Variants in PLPP3 observed in about 807,000 individuals in gnomAD.
The protein encoded by PLPP3 is PAP2 beta.
Under a neutral mutation model 29.6 loss-of-function variants are expected in PLPP3, and 6 were observed. The observed-to-expected ratio is 0.20, with a 90% CI of 0.11 to 0.40. PLPP3 has a LOEUF of 0.40. Among genes scored for constraint, PLPP3 ranks in the 10% least tolerant of loss-of-function variants. PLPP3 has a pLI of 1.00. For synonymous variants in PLPP3, 152 were observed against 159.7 expected (o/e 0.95, Z 0.36); for missense variants, 308 against 407.7 (o/e 0.76, Z 2.11).
chr1:56,542,917 G>A (rs1202227941), intron 1 of PLPP3, among the ~76,000 whole-genome samples: 2 of 151,550 alleles, frequency 1.3e-5, no homozygotes, highest in Non-Finnish European at 2.9e-5. Context: ...AGCTACTCAG[G>A]AGGTAAGAGG....
At chr1:56,556,000 A>G (rs1646074129) in intron 1 of PLPP3, among the ~76,000 whole-genome samples, 1 of 152,180 alleles carries the variant, frequency 6.6e-6, no homozygotes. Context: ...TTTTCTATTC[A>G]TGAGTAGGAA....
chr1:56,562,504 G>C (rs1256302216), intron 1 of PLPP3, among the ~76,000 whole-genome samples: 1 of 152,096 alleles, frequency 6.6e-6, no homozygotes, highest in Non-Finnish European at 1.5e-5. Flanking sequence ...AGCAAATTCA[G>C]ACACAACAAA....
chr1:56,506,717 C>T (rs1023577248), intron 5 of PLPP3, among the ~76,000 whole-genome samples: 1 of 152,124 alleles, frequency 6.6e-6, no homozygotes, highest in Admixed American at 6.5e-5. Context: ...TGTGTGAGTC[C>T]AACTGTAAAG....
At chr1:56,576,663 G>A (rs529441763) in intron 1 of PLPP3, among the ~76,000 whole-genome samples, 146 of 152,256 alleles carry the variant, frequency 9.6e-4, no homozygotes, top group African/African-American at 3.3e-3. Flanking sequence ...TGGTCCTGAC[G>A]CCTTATTGCT....
In PLPP3 at chr1:56,575,322, TCTCA is replaced by T. The variant is rs377064865; in HGVS notation, c.139+3552_139+3555del. 3.4e-3 allele frequency among the ~76,000 whole-genome samples: 517 copies of T among 152,292 alleles called. 3 individuals are homozygous for T. Among genetic ancestry groups the T allele is most frequent in the African/African-American group, 0.012 (484 of 41,550 alleles). ...TTTGCACTATACCATGCTGCCCCTC[TCTCA>T]CTATTTAAAGTAAATAATAATAAAT... On this transcript the variant is annotated intron_variant, in intron 1 of 5. Transcript: ENST00000371250.
intron 1 of PLPP3, among the ~76,000 whole-genome samples, chr1:56,563,849 T>C (rs909930435): frequency 1.3e-5 from 2 of 152,200 alleles, no homozygotes; most frequent in Admixed American, 6.5e-5. Flanking sequence ...GCCTGCCACA[T>C]ATTAAGTATT....
At chr1:56,572,142 T>C (rs550640734) in intron 1 of PLPP3, among the ~76,000 whole-genome samples, 1 of 132,750 alleles carries the variant, frequency 7.5e-6, no homozygotes, top group Admixed American at 9.3e-5. Context: ...CTCTGCCAAC[T>C]GGGTTCCAGC....
At chr1:56,517,938 A>T (rs535694765) in intron 4 of PLPP3, among the ~76,000 whole-genome samples, 130 of 152,280 alleles carry the variant, frequency 8.5e-4, no homozygotes, top group Admixed American at 1.4e-3. Flanking sequence ...GACTCATTAT[A>T]CCTCATAGCA....
At position 56,574,508 on chromosome 1, in the gene PLPP3, G is replaced by A. The variant is rs143226889; in HGVS notation, c.139+4370C>T. Among the ~76,000 whole-genome samples the A allele has an allele frequency of 3.0e-3, 459 of 152,262 alleles. 2 individuals carry two copies. Among genetic ancestry groups the A allele is most frequent in the Non-Finnish European group, 4.9e-3 (331 of 68,014 alleles). ...TAGCTCAAGTAATCCTCCTGCCTCT[G>A]CCTCCCAAAGTGCTGGGATTACAGG... On this transcript the variant is annotated intron_variant, in intron 1 of 5. Coordinates refer to ENST00000371250, the MANE Select transcript of PLPP3 (RefSeq NM_003713.5).
At chr1:56,522,609 A>G (rs1645826282) in intron 4 of PLPP3, among the ~76,000 whole-genome samples, 1 of 152,164 alleles carries the variant, frequency 6.6e-6, no homozygotes, top group Non-Finnish European at 1.5e-5. Flanking sequence ...TCAGCTCTGC[A>G]TCCTCGGTAA....
intron 1 of PLPP3, among the ~76,000 whole-genome samples, chr1:56,560,962 C>T (rs541410484): frequency 1.5e-3 from 232 of 151,218 alleles, no homozygotes; most frequent in Admixed American, 3.1e-3. Flanking sequence ...CTCAGCCTCC[C>T]GAGTAGCTGG....
chr1:56,517,441 CCATTTTGCTGAG>C (rs1472566300), intron 4 of PLPP3, among the ~76,000 whole-genome samples: 2 of 152,228 alleles, frequency 1.3e-5, no homozygotes, highest in Non-Finnish European at 2.9e-5. Context: ...AAGAAAACCA[CCATTTTGCTGAG>C]CATTGGTGTA....
At chr1:56,558,406 G>T (rs141763964) in intron 1 of PLPP3, among the ~76,000 whole-genome samples, 138 of 152,318 alleles carry the variant, frequency 9.1e-4, no homozygotes, top group African/African-American at 3.1e-3. Flanking sequence ...GCTGCCATAT[G>T]ATTCTCTGGC....
intron 5 of PLPP3, among the ~76,000 whole-genome samples, chr1:56,498,842 C>A (rs556468363): frequency 2.3e-4 from 35 of 152,258 alleles, no homozygotes; most frequent in African/African-American, 8.2e-4. Context: ...CCATGCTGAC[C>A]AGGCTGGTCT....
intron 5 of PLPP3, among the ~76,000 whole-genome samples, chr1:56,499,045 G>A (rs1196167430): frequency 6.6e-6 from 1 of 151,760 alleles, no homozygotes; most frequent in East Asian, 1.9e-4. Context: ...TCTGCCAAGG[G>A]CAAATATAGC....
chr1:56,531,353 G>A (rs777831513), intron 2 of PLPP3, among the ~76,000 whole-genome samples: 1 of 152,112 alleles, frequency 6.6e-6, no homozygotes, highest in Non-Finnish European at 1.5e-5. Flanking sequence ...AGTCAGACTT[G>A]TACTTGTCTT....
intron 5 of PLPP3, among the ~76,000 whole-genome samples, chr1:56,510,626 G>C (rs1417054118): frequency 6.6e-6 from 1 of 152,224 alleles, no homozygotes; most frequent in Non-Finnish European, 1.5e-5. Context: ...GGCTGTGAGA[G>C]GAGCAAGGAT....
chr1:56,537,192 C>G (rs1205138009), intron 1 of PLPP3, 80 bp from the exon 2 acceptor site: 53 of 1,445,676 alleles, frequency 3.7e-5, no homozygotes, highest in Non-Finnish European at 5.0e-5. Context: ...CAAAGAGGAA[C>G]TTCAAGAAAA....
intron 2 of PLPP3, among the ~76,000 whole-genome samples, chr1:56,534,439 T>C (rs758273951): frequency 5.9e-5 from 9 of 152,110 alleles, no homozygotes; most frequent in African/African-American, 9.7e-5. Flanking sequence ...GTGGGGACCA[T>C]CTGAATGGGA....
Sources: gnomAD v4.1 joint callset for allele counts (sites outside exome capture counted in the v4.1 genomes callset) on GRCh38, gnomAD v4.1.1 for gene constraint, MANE v1.5 for transcripts, NCBI Gene and HGNC (gene_info 2026-07-23, HGNC 2026-07-21) for gene names.